Variants in STUM observed in about 807,000 individuals in gnomAD.
STUM encodes the protein protein stum homolog.
Under a neutral mutation model 15.3 loss-of-function variants are expected in STUM, and 8 were observed. That is an observed-to-expected ratio of 0.52 (90% CI 0.31 to 0.94). The LOEUF (loss-of-function observed/expected upper bound fraction) is 0.94. Ranked by LOEUF, STUM falls within the 40% of genes least tolerant of loss-of-function variation. The pLI, the probability that STUM is intolerant of heterozygous loss-of-function variation, is 0.05. For missense variants in STUM, 142 were observed against 204.9 expected (o/e 0.69, Z 1.87); for synonymous variants, 78 against 88.7 (o/e 0.88, Z 0.68).
At position 226,605,140 on chromosome 1, in the gene STUM, C is replaced by G. The variant is rs1183876149; in HGVS notation, c.*3100C>G. On this transcript the variant is annotated 3_prime_UTR_variant, in exon 4 of 4. Coordinates refer to ENST00000366788, the MANE Select transcript of STUM (RefSeq NM_001003665.4). This position sits in a 1 kb window ranked among gnomAD's most constrained non-coding sequence, Gnocchi z 4.0. Reference sequence around the variant, plus strand: ...GCTGCCAGAGCCTACCCCAGCCTGCCACGCCGCTGACCTTCCCATGGTAAG... The same window carrying G: ...GCTGCCAGAGCCTACCCCAGCCTGCGACGCCGCTGACCTTCCCATGGTAAG... 1.3e-5 allele frequency: 2 copies of G among 152,232 alleles called. No individual in the cohort carries two copies. Among genetic ancestry groups the G allele is most frequent in the African/African-American group, 4.8e-5 (2 of 41,434 alleles). The allele number at this position is 152,232 out of a possible 1,614,324, so 9.4% of individuals were successfully genotyped here.
chr1:226,582,451 T>A (rs1056763173), intron 1 of STUM, among the ~76,000 whole-genome samples: 1 of 151,898 alleles, frequency 6.6e-6, no homozygotes, highest in Admixed American at 6.6e-5. Flanking sequence ...AAAAATTAGC[T>A]GGGTGTGGTG....
chr1:226,579,443 T>C (rs1667882264), intron 1 of STUM, among the ~76,000 whole-genome samples: 1 of 152,096 alleles, frequency 6.6e-6, no homozygotes. Flanking sequence ...GTGCTTCCTG[T>C]CTCTTCGAGG....
rs751687830 is a variant in STUM, at chr1:226,601,967, C to T, written c.392-39C>T. The T allele has an allele frequency of 5.0e-6, 8 of 1,594,634 alleles. No homozygotes were observed. In the South Asian group the frequency reaches 7.7e-5, roughly 15 times the overall value. On this transcript the variant is annotated intron_variant, in intron 3 of 3. Transcript: ENST00000366788. ...CCTCCTGGAGAAATCCTGAAGTAAG[C>T]AGGTGTCTAACCATCTCTCCTTTGC...
chr1:226,592,476 C>T (rs1366200879), intron 1 of STUM, among the ~76,000 whole-genome samples: 1 of 152,168 alleles, frequency 6.6e-6, no homozygotes, highest in Non-Finnish European at 1.5e-5. Flanking sequence ...CTGTCTGAGC[C>T]TCAGTTTCTG....
chr1:226,570,808 C>G (rs1482688722), intron 1 of STUM, among the ~76,000 whole-genome samples: 1 of 152,154 alleles, frequency 6.6e-6, no homozygotes, highest in African/African-American at 2.4e-5. Flanking sequence ...GACCCTTTAG[C>G]GTTCTGATGA....
intron 1 of STUM, among the ~76,000 whole-genome samples, chr1:226,572,988 A>G (rs1390914577): frequency 6.6e-6 from 1 of 152,164 alleles, no homozygotes; most frequent in Non-Finnish European, 1.5e-5. Flanking sequence ...CCCCAGAGGG[A>G]GGTCACATGG....
intron 1 of STUM, among the ~76,000 whole-genome samples, chr1:226,564,514 G>C (rs1226240889): frequency 6.6e-6 from 1 of 152,208 alleles, no homozygotes; most frequent in Non-Finnish European, 1.5e-5. Context: ...GTCAGCAATG[G>C]CTGGGGTTGG....
chr1:226,609,024 C>T lies in STUM; in HGVS notation c.*6984C>T, dbSNP rs1463045066. 1 of 152,232 alleles carries T rather than the reference C, an allele frequency of 6.6e-6. No individual in the cohort carries two copies. Among genetic ancestry groups the T allele is most frequent in the African/African-American group, 2.4e-5 (1 of 41,466 alleles). The allele number at this position is 152,232 out of a possible 1,614,324, so 9.4% of individuals were successfully genotyped here. On this transcript the variant is annotated 3_prime_UTR_variant, in exon 4 of 4. Transcript: ENST00000366788. Reference sequence around the variant, plus strand: ...AATGAAAAATACTATATATGACAGTCAAAACCTGTGTACATATTTCCATGT... The same window carrying T: ...AATGAAAAATACTATATATGACAGTTAAAACCTGTGTACATATTTCCATGT...
Position 226,608,870 on chromosome 1 carries a change from C to G in STUM, c.*6830C>G, listed in dbSNP as rs1052394552. 2.0e-5 allele frequency: 3 copies of G among 152,332 alleles called. No individual in the cohort carries two copies. Among genetic ancestry groups the G allele is most frequent in the Admixed American group, 1.3e-4 (2 of 15,278 alleles). 9.4% of individuals were successfully genotyped at this position (152,332 alleles called of 1,614,324 possible). A position where few individuals can be genotyped will look rare whatever the true frequency, so the allele number is the denominator to read the frequency against. On this transcript the variant is annotated 3_prime_UTR_variant, in exon 4 of 4. Transcript: ENST00000366788. This position sits in a 1 kb window ranked among gnomAD's most constrained non-coding sequence, Gnocchi z 4.0. Reference sequence around the variant, plus strand: ...CACCCTCAGGACCCAGCCCCAGCCCCGGCAGACCTTCCCTGGGAGCTGCTT... The same window carrying G: ...CACCCTCAGGACCCAGCCCCAGCCCGGGCAGACCTTCCCTGGGAGCTGCTT...
rs921671040 is a variant in STUM at position 226,602,301 on chromosome 1, G to T, written c.*261G>T. 2.0e-6 allele frequency: 1 copy of T among 502,146 alleles called. No homozygotes were observed. The highest frequency in any genetic ancestry group is 2.5e-5 in the South Asian group (1 of 39,960). 31.1% of individuals were successfully genotyped at this position (502,146 alleles called of 1,614,324 possible). A position where few individuals can be genotyped will look rare whatever the true frequency, so the allele number is the denominator to read the frequency against. ...CAGAGAGTGGGGTGGAGATGAGAAC[G>T]CCCACAGAGAGGCTGGGATGCTCCG... On this transcript the variant is annotated 3_prime_UTR_variant, in exon 4 of 4. Transcript: ENST00000366788.
At chr1:226,558,997 A>T (rs75308894) in intron 1 of STUM, among the ~76,000 whole-genome samples, 3,708 of 152,332 alleles carry the variant, frequency 0.024, 140 homozygotes, top group African/African-American at 0.084. Flanking sequence ...AGGCAATGGG[A>T]AGGAGACCAT....
At chr1:226,575,456 T>G (rs1475380197) in intron 1 of STUM, among the ~76,000 whole-genome samples, 1 of 151,924 alleles carries the variant, frequency 6.6e-6, no homozygotes, top group Non-Finnish European at 1.5e-5. Context: ...GCACCCAGGG[T>G]GGGTGAGGCA....
rs530838443 is a variant in STUM, at chr1:226,570,506, A to G, written c.202+21400A>G. Among the ~76,000 whole-genome samples the G allele has an allele frequency of 4.6e-5, 7 of 152,344 alleles. No individual in the cohort carries two copies. The East Asian group carries it at 1.3e-3, about 29-fold the overall frequency. On this transcript the variant is annotated intron_variant, in intron 1 of 3. Transcript: ENST00000366788. ...GAAACTCAGAAGGCTGAACAGATGC[A>G]GTCGCCATTGTTTTAGACTAGACAG...
chr1:226,551,868 T>G (rs1258362489), intron 1 of STUM, among the ~76,000 whole-genome samples: 1 of 152,196 alleles, frequency 6.6e-6, no homozygotes, highest in South Asian at 2.1e-4. Context: ...AAAGCCTCCC[T>G]GAGGGAGTAG....
rs1175955926 is a variant in STUM, at chr1:226,604,141, CG to C, written c.*2102del. On this transcript the variant is annotated 3_prime_UTR_variant, in exon 4 of 4. Coordinates refer to ENST00000366788, the MANE Select transcript of STUM (RefSeq NM_001003665.4). The surrounding 1 kb of genome is among the most constrained non-coding windows in gnomAD (Gnocchi z 4.7). ...GTGATGACAGGTCTCAGGAGGGGGC[CG>C]CCCCCACAAATGGGAGGCGGAAGCT... is the stretch of plus-strand genomic sequence containing the variant. 6.6e-6 allele frequency: 1 copy of C among 152,106 alleles called. No individual in the cohort carries two copies. Among genetic ancestry groups the C allele is most frequent in the African/African-American group, 2.4e-5 (1 of 41,398 alleles). 9.4% of individuals were successfully genotyped at this position (152,106 alleles called of 1,614,324 possible). A position where few individuals can be genotyped will look rare whatever the true frequency, so the allele number is the denominator to read the frequency against.
At chr1:226,596,763 C>T in intron 1 of STUM, 39 bp from the exon 2 acceptor site, 1 of 1,581,280 alleles carries the variant, frequency 6.3e-7, no homozygotes, top group Non-Finnish European at 8.7e-7. Context: ...CTTTGTCTCC[C>T]AGTGCCCTCA....
At chr1:226,555,218 CA>C (rs1273904804) in intron 1 of STUM, among the ~76,000 whole-genome samples, 4 of 152,208 alleles carry the variant, frequency 2.6e-5, no homozygotes, top group African/African-American at 9.6e-5. Context: ...CCTGTATTCA[CA>C]CCCGCAGTGA....
chr1:226,594,425 G>C (rs1263654320), intron 1 of STUM, among the ~76,000 whole-genome samples: 1 of 152,214 alleles, frequency 6.6e-6, no homozygotes, highest in African/African-American at 2.4e-5. Flanking sequence ...ATGTGACAAT[G>C]GTCACCAGTC....
Position 226,604,481 on chromosome 1 carries a change from T to A in STUM, c.*2441T>A, listed in dbSNP as rs1477344920. 1 of 152,210 alleles carries A rather than the reference T, an allele frequency of 6.6e-6. No individual in the cohort carries two copies. Among genetic ancestry groups the A allele is most frequent in the Non-Finnish European group, 1.5e-5 (1 of 68,066 alleles). The allele number at this position is 152,210 out of a possible 1,614,324, so 9.4% of individuals were successfully genotyped here. On this transcript the variant is annotated 3_prime_UTR_variant, in exon 4 of 4. Transcript: ENST00000366788. The surrounding 1 kb of genome is among the most constrained non-coding windows in gnomAD (Gnocchi z 4.7). ...AGCCAAGAGGCCCCTGCCTGTCTCC[T>A]GAATGAGGCTGTGAGGGTTGCCATG...
Sources: gnomAD v4.1 joint callset for allele counts (sites outside exome capture counted in the v4.1 genomes callset) on GRCh38, gnomAD v4.1.1 for gene constraint, Gnocchi (gnomAD v3.1) non-coding constraint, MANE v1.5 for transcripts, NCBI Gene and HGNC (gene_info 2026-07-23, HGNC 2026-07-21) for gene names.